CCSER1: variants seen among roughly 807,000 people sequenced by gnomAD.
The protein encoded by CCSER1 is coiled-coil serine rich protein 1, also known as serine-rich coiled-coil domain-containing protein 1.
A neutral mutation model predicts 82.0 loss-of-function variants in CCSER1; 41 were observed. The observed-to-expected ratio is 0.50, with a 90% CI of 0.39 to 0.65. CCSER1 has a LOEUF of 0.65. Ranked by LOEUF, CCSER1 falls within the 30% of genes least tolerant of loss-of-function variation. CCSER1 has a pLI of 0.00. For missense variants in CCSER1, 1,119 were observed against 1,064.2 expected, an observed-to-expected ratio of 1.05 and a Z score of -0.72; for synonymous variants, 414 against 383.9, an observed-to-expected ratio of 1.08 and a Z score of -0.92.
chr4:91,412,713 G>T (rs1044544959), intron 10 of CCSER1, among the ~76,000 whole-genome samples: 13 of 151,954 alleles, frequency 8.6e-5, no homozygotes, highest in African/African-American at 3.1e-4. Flanking sequence ...TACCAAACAG[G>T]AGAAGGTCTT....
chr4:91,153,578 A>G (rs1237141260), intron 10 of CCSER1, among the ~76,000 whole-genome samples: 1 of 151,270 alleles, frequency 6.6e-6, no homozygotes, highest in Non-Finnish European at 1.5e-5. Flanking sequence ...CATTCCTTTG[A>G]AGGCACTCTG....
chr4:90,982,455 C>A lies in CCSER1; in HGVS notation c.2172+59008C>A, dbSNP rs1736204263. 2.0e-5 allele frequency among the ~76,000 whole-genome samples: 3 copies of A among 151,674 alleles called. No individual in the cohort carries two copies. The South Asian group carries it at 6.2e-4, about 31-fold the overall frequency. The stretch of plus-strand genomic sequence containing the variant: ...GTCCATAGCAATATGCATAAATTAG[C>A]AGGATTTTTTCAAACTTACTTCTCA... On this transcript the variant is annotated intron_variant, in intron 9 of 10. Coordinates refer to ENST00000509176, the MANE Select transcript of CCSER1 (RefSeq NM_001145065.2).
At position 90,412,319 on chromosome 4, in the gene CCSER1, G is replaced by T. The variant is rs951452497; in HGVS notation, c.1603+12190G>T. Among the ~76,000 whole-genome samples the T allele has an allele frequency of 1.2e-4, 13 of 108,132 alleles. No homozygotes were observed. In the East Asian group the frequency reaches 2.3e-3, roughly 19 times the overall value. 70.9% of individuals were successfully genotyped at this position (108,132 alleles called of 152,430 possible). Reference sequence around the variant, plus strand: ...CTCACACACTGAGGACTGTTGTGGGGTGGGGGGAGGGGGGAGGGATAGCAT... The same window carrying T: ...CTCACACACTGAGGACTGTTGTGGGTTGGGGGGAGGGGGGAGGGATAGCAT... On this transcript the variant is annotated intron_variant, in intron 4 of 10. Transcript: ENST00000509176.
At chr4:90,207,924 G>T (rs1451547840) in intron 1 of CCSER1, among the ~76,000 whole-genome samples, 1 of 152,186 alleles carries the variant, frequency 6.6e-6, no homozygotes, top group Non-Finnish European at 1.5e-5. Context: ...CCTGTGTGAG[G>T]TGTGTGTCGA....
intron 10 of CCSER1, among the ~76,000 whole-genome samples, chr4:91,295,751 A>G (rs1165286749): frequency 6.6e-6 from 1 of 151,908 alleles, no homozygotes; most frequent in Non-Finnish European, 1.5e-5. Context: ...GCTCATGATG[A>G]TAGCACATCA....
intron 7 of CCSER1, among the ~76,000 whole-genome samples, chr4:90,802,684 C>A (rs1756991657): frequency 6.6e-6 from 1 of 152,074 alleles, no homozygotes; most frequent in African/African-American, 2.4e-5. Context: ...GCAGTGCCTC[C>A]CATGGACCTA....
intron 10 of CCSER1, among the ~76,000 whole-genome samples, chr4:91,551,965 G>A (rs559986536): frequency 1.3e-5 from 2 of 151,696 alleles, no homozygotes; most frequent in African/African-American, 4.9e-5. Flanking sequence ...AAATGCTGTG[G>A]CAGTTTGAAT....
At chr4:91,175,331 T>C (rs1276500862) in intron 10 of CCSER1, among the ~76,000 whole-genome samples, 1 of 152,122 alleles carries the variant, frequency 6.6e-6, no homozygotes, top group Non-Finnish European at 1.5e-5. Context: ...CCTTTGGGTG[T>C]ATATCCAGTA....
At chr4:90,623,236 G>A (rs918515965) in intron 5 of CCSER1, among the ~76,000 whole-genome samples, 7 of 151,752 alleles carry the variant, frequency 4.6e-5, no homozygotes, top group East Asian at 1.9e-4. Context: ...GGGTTTCAGC[G>A]TGTTAACCTG....
intron 10 of CCSER1, among the ~76,000 whole-genome samples, chr4:91,550,854 C>T (rs1762128383): frequency 6.6e-6 from 1 of 152,134 alleles, no homozygotes; most frequent in African/African-American, 2.4e-5. Flanking sequence ...CTTCCATCTC[C>T]AGTTCTATGA....
intron 10 of CCSER1, among the ~76,000 whole-genome samples, chr4:91,464,807 A>G (rs1312182664): frequency 1.3e-5 from 2 of 152,220 alleles, no homozygotes; most frequent in African/African-American, 4.8e-5. Context: ...AGAGCTAACT[A>G]TCCTAAATAT....
At chr4:90,848,309 G>A (rs1180140926) in intron 8 of CCSER1, among the ~76,000 whole-genome samples, 4 of 152,134 alleles carry the variant, frequency 2.6e-5, no homozygotes, top group African/African-American at 9.7e-5. Context: ...AATGTTAAGT[G>A]ATATTTATAG....
intron 10 of CCSER1, among the ~76,000 whole-genome samples, chr4:91,407,755 A>G (rs1349702719): frequency 6.6e-6 from 1 of 152,184 alleles, no homozygotes; most frequent in Non-Finnish European, 1.5e-5. Context: ...TAGTAGAGTG[A>G]GAACTCACTC....
chr4:90,184,002 A>T lies in CCSER1; in HGVS notation c.-42+56171A>T, dbSNP rs570921755. Among the ~76,000 whole-genome samples the T allele has an allele frequency of 3.0e-4, 45 of 152,266 alleles. 1 individual carries two copies. Among genetic ancestry groups the T allele is most frequent in the African/African-American group, 1.0e-3 (43 of 41,574 alleles). ...AGAAAACAGTATTATGAGAAATATC[A>T]TAAAGCATATCAAAATGGAAATATC... On this transcript the variant is annotated intron_variant, in intron 1 of 10. Coordinates refer to ENST00000509176, the MANE Select transcript of CCSER1 (RefSeq NM_001145065.2).
At chr4:90,834,439 T>C (rs1761528551) in intron 8 of CCSER1, among the ~76,000 whole-genome samples, 1 of 152,156 alleles carries the variant, frequency 6.6e-6, no homozygotes, top group Admixed American at 6.6e-5. Context: ...ATCTCCCTCT[T>C]CCTGTTGAAA....
At position 90,370,894 on chromosome 4, in the gene CCSER1, G is replaced by A. The variant is rs145677658; in HGVS notation, c.1510-29142G>A. On this transcript the variant is annotated intron_variant, in intron 3 of 10. Transcript: ENST00000509176. ...ACAGAAGGTGGAATATTTAACTTTGGCCATGAATTATTCATATTTGTTTAG... is the reference window on the plus strand; with the variant it reads ...ACAGAAGGTGGAATATTTAACTTTGACCATGAATTATTCATATTTGTTTAG... 5.2e-3 allele frequency among the ~76,000 whole-genome samples: 785 copies of A among 151,754 alleles called. 11 individuals are homozygous for A. The highest frequency in any genetic ancestry group is 0.018 in the African/African-American group (751 of 41,432).
intron 7 of CCSER1, among the ~76,000 whole-genome samples, chr4:90,751,954 C>T (rs1190660591): frequency 6.6e-6 from 1 of 151,808 alleles, no homozygotes; most frequent in Non-Finnish European, 1.5e-5. Context: ...TAGAATGGAC[C>T]ATGTTCCAAA....
chr4:90,870,377 G>GT (rs925553573), intron 8 of CCSER1, among the ~76,000 whole-genome samples: 12 of 151,776 alleles, frequency 7.9e-5, no homozygotes, highest in East Asian at 1.9e-4. Flanking sequence ...TATTTACCCA[G>GT]TTTTTTTAGG....
intron 9 of CCSER1, among the ~76,000 whole-genome samples, chr4:91,061,652 A>G (rs1743964468): frequency 6.6e-6 from 1 of 152,082 alleles, no homozygotes. Context: ...TTCTGATCTA[A>G]TTCATGTTGA....
Sources: allele counts gnomAD v4.1 joint callset (sites outside exome capture counted in the v4.1 genomes callset), GRCh38; gene constraint gnomAD v4.1.1; transcripts MANE v1.5; gene names NCBI Gene and HGNC (gene_info 2026-07-23, HGNC 2026-07-21).